CACNA2D3: variants seen among roughly 807,000 people sequenced by gnomAD.
CACNA2D3 encodes calcium voltage-gated channel auxiliary subunit alpha2delta 3, also known as voltage-dependent calcium channel subunit alpha-2/delta-3.
Under a neutral mutation model 160.6 loss-of-function variants are expected in CACNA2D3, and 60 were observed. The observed-to-expected ratio is 0.37, with a 90% CI of 0.30 to 0.46. CACNA2D3 has a LOEUF of 0.46. CACNA2D3 is among the 20% of genes least tolerant of loss of function. The probability of loss-of-function intolerance (pLI) is 1.00; values close to 1 mark genes in which losing one functional copy is unlikely to be tolerated. For synonymous variants in CACNA2D3, 558 were observed against 492.9 expected (o/e 1.13, Z -1.75); for missense variants, 1,205 against 1,365.0 (o/e 0.88, Z 1.85).
intron 13 of CACNA2D3, among the ~76,000 whole-genome samples, chr3:54,804,046 C>T (rs1415041749): frequency 1.3e-5 from 2 of 151,848 alleles, no homozygotes; most frequent in East Asian, 3.9e-4. Flanking sequence ...AAAAGAGCTC[C>T]TGAAGGAAGC....
At chr3:54,137,852 A>G (rs894513592) in intron 2 of CACNA2D3, among the ~76,000 whole-genome samples, 4 of 152,246 alleles carry the variant, frequency 2.6e-5, no homozygotes, top group Admixed American at 1.3e-4. Context: ...TCACAATATA[A>G]TAAATGTGTT....
chr3:54,723,204 C>T (rs1350700192), intron 11 of CACNA2D3, among the ~76,000 whole-genome samples: 1 of 152,206 alleles, frequency 6.6e-6, no homozygotes, highest in Non-Finnish European at 1.5e-5. Flanking sequence ...GTAAAACCAC[C>T]TACTCAAGCC....
chr3:54,943,594 G>GA (rs1265566669), intron 27 of CACNA2D3, among the ~76,000 whole-genome samples: 1 of 152,030 alleles, frequency 6.6e-6, no homozygotes, highest in Non-Finnish European at 1.5e-5. Flanking sequence ...CCCTGGATTA[G>GA]AAAATCCCCT....
At chr3:54,695,478 G>GTT (rs1700647732) in intron 11 of CACNA2D3, among the ~76,000 whole-genome samples, 1 of 151,700 alleles carries the variant, frequency 6.6e-6, no homozygotes, top group African/African-American at 2.4e-5. Flanking sequence ...TGGTTCCAAG[G>GTT]TTACGAGTAT....
chr3:54,985,161 G>T (rs1323316577), intron 30 of CACNA2D3, among the ~76,000 whole-genome samples: 1 of 152,148 alleles, frequency 6.6e-6, no homozygotes, highest in East Asian at 1.9e-4. Flanking sequence ...AGGATTAACA[G>T]CTTGGGCTCT....
At chr3:54,380,016 TAAAC>T (rs1394011690) in intron 3 of CACNA2D3, among the ~76,000 whole-genome samples, 2 of 152,178 alleles carry the variant, frequency 1.3e-5, no homozygotes, top group Non-Finnish European at 2.9e-5. Flanking sequence ...AACGGAGTGA[TAAAC>T]AACTCTATCC....
chr3:54,238,389 A>G (rs145688415), intron 2 of CACNA2D3, among the ~76,000 whole-genome samples: 47 of 152,318 alleles, frequency 3.1e-4, no homozygotes, highest in Non-Finnish European at 5.9e-4. Context: ...CACCTCAGTG[A>G]TTGTGCAAAA....
At chr3:54,320,392 TG>T in intron 2 of CACNA2D3, 49 bp from the exon 3 acceptor site, 1 of 846,022 alleles carries the variant, frequency 1.2e-6, no homozygotes, top group Non-Finnish European at 1.9e-6. Context: ...ATCACAGCTG[TG>T]GTGTTTTACG....
chr3:54,736,052 C>CCTATAT (rs1701504300), intron 11 of CACNA2D3, among the ~76,000 whole-genome samples: 1 of 47,262 alleles, frequency 2.1e-5, no homozygotes, highest in Non-Finnish European at 4.2e-5. Flanking sequence ...TATACACATA[C>CCTATAT]ATATGTATGT....
intron 21 of CACNA2D3, among the ~76,000 whole-genome samples, chr3:54,881,375 T>C (rs1230634326): frequency 6.6e-6 from 1 of 152,180 alleles, no homozygotes; most frequent in Admixed American, 6.5e-5. Context: ...AATGTGACCA[T>C]TTAAATGATT....
chr3:54,941,149 C>T (rs1026617673), intron 27 of CACNA2D3, among the ~76,000 whole-genome samples: 5 of 152,146 alleles, frequency 3.3e-5, no homozygotes, highest in African/African-American at 1.2e-4. Context: ...ATATTGGCCC[C>T]AGTTAAAGTA....
intron 21 of CACNA2D3, 82 bp downstream of exon 21, chr3:54,880,945 G>C: frequency 8.3e-7 from 1 of 1,203,804 alleles, no homozygotes; most frequent in Non-Finnish European, 1.2e-6. Flanking sequence ...TGAAGAACTT[G>C]TTCATCTGTC....
intron 17 of CACNA2D3, among the ~76,000 whole-genome samples, chr3:54,849,978 T>C (rs1055758180): frequency 2.6e-5 from 4 of 152,226 alleles, no homozygotes; most frequent in African/African-American, 9.6e-5. Flanking sequence ...TCTTGTGTGA[T>C]TTGGTTGTGA....
chr3:54,834,693 T>A (rs1393057486), intron 14 of CACNA2D3, among the ~76,000 whole-genome samples: 5 of 152,194 alleles, frequency 3.3e-5, no homozygotes, highest in African/African-American at 7.2e-5. Context: ...ATATTATTAG[T>A]CATGGTTCTC....
chr3:54,728,629 ATTG>A (rs1559561094), intron 11 of CACNA2D3, among the ~76,000 whole-genome samples: 1 of 152,168 alleles, frequency 6.6e-6, no homozygotes, highest in Non-Finnish European at 1.5e-5. Flanking sequence ...TATATGAAAA[ATTG>A]TTGAGGCTTT....
chr3:54,712,811 C>T (rs578002864), intron 11 of CACNA2D3, among the ~76,000 whole-genome samples: 1 of 152,216 alleles, frequency 6.6e-6, no homozygotes, highest in Non-Finnish European at 1.5e-5. Flanking sequence ...TCTTGCACGG[C>T]AGCACTAACT....
chr3:54,563,795 A>T (rs2106708417), intron 6 of CACNA2D3, among the ~76,000 whole-genome samples: 1 of 152,222 alleles, frequency 6.6e-6, no homozygotes, highest in South Asian at 2.1e-4. Context: ...TAGGCACCTG[A>T]TGCCTTCCCA....
intron 4 of CACNA2D3, among the ~76,000 whole-genome samples, chr3:54,433,494 C>T (rs1378999827): frequency 1.3e-5 from 2 of 152,156 alleles, no homozygotes; most frequent in Non-Finnish European, 1.5e-5. Flanking sequence ...CACCTGAATC[C>T]ATCCTCCTTG....
At chr3:54,778,585 CTATTA>C (rs1445051579) in intron 13 of CACNA2D3, among the ~76,000 whole-genome samples, 4 of 152,166 alleles carry the variant, frequency 2.6e-5, no homozygotes, top group East Asian at 1.9e-4. Flanking sequence ...ACTTCTTGTA[CTATTA>C]TATTAAGAAG....
Sources: allele counts gnomAD v4.1 joint callset (sites outside exome capture counted in the v4.1 genomes callset), GRCh38; gene constraint gnomAD v4.1.1; transcripts MANE v1.5; gene names NCBI Gene and HGNC (gene_info 2026-07-23, HGNC 2026-07-21).